The following DSG2 variants were observed in gnomAD, a reference collection of about 807,000 sequenced individuals.
The protein encoded by DSG2 is desmoglein-2.
Under a neutral mutation model 75.6 loss-of-function variants are expected in DSG2, and 45 were observed. The observed-to-expected ratio is 0.60, with a 90% CI of 0.47 to 0.76. The LOEUF (loss-of-function observed/expected upper bound fraction) is 0.76. DSG2 is among the 30% of genes least tolerant of loss of function. DSG2 has a pLI of 0.00. For synonymous variants in DSG2, 429 were observed against 483.9 expected, an observed-to-expected ratio of 0.89 and a Z score of 1.49; for missense variants, 1,267 against 1,357.4, an observed-to-expected ratio of 0.93 and a Z score of 1.05.
At chr18:31,520,095 T>C (rs2073119574) in intron 3 of DSG2, among the ~76,000 whole-genome samples, 158 bp downstream of exon 3, 1 of 152,224 alleles carries the variant, frequency 6.6e-6, no homozygotes, top group South Asian at 2.1e-4. Context: ...GCTTACTTTT[T>C]AGCATAAAGT....
At chr18:31,510,549 CATTG>C (rs1170015493) in intron 1 of DSG2, among the ~76,000 whole-genome samples, 1 of 151,038 alleles carries the variant, frequency 6.6e-6, no homozygotes, top group African/African-American at 2.4e-5. Flanking sequence ...ACAAAGAGTA[CATTG>C]ATTGATGGTG....
At position 31,536,223 on chromosome 18, in the gene DSG2, C is replaced by A. The variant is rs1168994353; in HGVS notation, c.1445C>A (p.Thr482Asn). 6.2e-7 allele frequency: 1 copy of A among 1,614,182 alleles called. No homozygotes were observed. The highest frequency in any genetic ancestry group is 2.2e-5 in the East Asian group (1 of 44,872). The change falls in exon 11 of 15, where the codon ACT becomes AAT. Residue 482 changes from threonine (T) to asparagine (N), a missense_variant. Thr to Asn is a moderately conservative substitution (Grantham distance 65, BLOSUM62 0). Coordinates refer to ENST00000261590, the MANE Select transcript of DSG2 (RefSeq NM_001943.5). ...TAAGATTATCCTAGAAAAACCATCACTGGCACAGTCCTTATCAATGTTGAA... is the reference window on the plus strand; with the variant it reads ...TAAGATTATCCTAGAAAAACCATCAATGGCACAGTCCTTATCAATGTTGAA... ...ISEDYPRKTI[T>N]GTVLINVEDI... is the part of the protein sequence containing the mutation.
intron 14 of DSG2, among the ~76,000 whole-genome samples, chr18:31,544,788 G>A (rs1381754636): frequency 6.6e-6 from 1 of 152,298 alleles, no homozygotes; most frequent in East Asian, 1.9e-4. Flanking sequence ...AAGTAGGACT[G>A]GGTGGTTTTC....
chr18:31,503,611 A>G (rs1439327526), intron 1 of DSG2, among the ~76,000 whole-genome samples: 1 of 152,208 alleles, frequency 6.6e-6, no homozygotes, highest in Non-Finnish European at 1.5e-5. Context: ...TTTGGGTGAG[A>G]TGGTCAGGAA....
chr18:31,538,496 TC>T (rs929938071), intron 11 of DSG2, among the ~76,000 whole-genome samples: 2 of 152,178 alleles, frequency 1.3e-5, no homozygotes, highest in Non-Finnish European at 2.9e-5. Flanking sequence ...TTCCTAGCTT[TC>T]CTAGACCCAC....
At chr18:31,545,652 T>C in intron 14 of DSG2, 69 bp from the exon 15 acceptor site, 1 of 1,558,520 alleles carries the variant, frequency 6.4e-7, no homozygotes, top group South Asian at 1.1e-5. Flanking sequence ...TAGAGTCTTG[T>C]TTTAAAATGA....
At chr18:31,526,853 C>A (rs1376374642) in intron 8 of DSG2, among the ~76,000 whole-genome samples, 2 of 152,106 alleles carry the variant, frequency 1.3e-5, no homozygotes, top group African/African-American at 2.4e-5. Flanking sequence ...GTGTCTTAAG[C>A]TAAGGCTCAT....
In DSG2 at chr18:31,547,110, C is replaced by G; in HGVS notation, c.*367C>G. 1 of 370,064 alleles carries G rather than the reference C, an allele frequency of 2.7e-6. No homozygotes were observed. 22.9% of individuals were successfully genotyped at this position (370,064 alleles called of 1,614,324 possible). ...CCAGTAAAGCAACCCAGGAAACTGACTGGGTCTCTTTGCCTACCGTATTAA... is the reference window on the plus strand; with the variant it reads ...CCAGTAAAGCAACCCAGGAAACTGAGTGGGTCTCTTTGCCTACCGTATTAA... On this transcript the variant is annotated 3_prime_UTR_variant, in exon 15 of 15. Transcript: ENST00000261590.
Position 31,545,895 on chromosome 18 carries a change from G to A in DSG2, c.2509G>A (p.Ala837Thr), listed in dbSNP as rs2073302750. 6.2e-6 allele frequency: 10 copies of A among 1,614,134 alleles called. No homozygotes were observed. The highest frequency in any genetic ancestry group is 7.6e-6 in the Non-Finnish European group (9 of 1,180,026). The change falls in exon 15 of 15, where the codon GCT (alanine) becomes ACT (threonine). Residue 837 changes from alanine to threonine, a missense_variant. Coordinates refer to ENST00000261590, the MANE Select transcript of DSG2 (RefSeq NM_001943.5). The stretch of plus-strand genomic sequence containing the variant: ...TTTGGGACTTAAATTCAAGACACTA[G>A]CTGAAGTTTGCCTGGGTCAAAAAAT... ...DDLGLKFKTL[A>T]EVCLGQKIDI...
At chr18:31,524,367 T>C (rs2144321820) in intron 6 of DSG2, 81 bp from the exon 7 acceptor site, 1 of 1,563,444 alleles carries the variant, frequency 6.4e-7, no homozygotes, top group Non-Finnish European at 8.8e-7. Flanking sequence ...CTGTGGTACG[T>C]GATAAACTGG....
intron 8 of DSG2, among the ~76,000 whole-genome samples, chr18:31,530,333 A>G (rs1402925251): frequency 6.6e-6 from 1 of 152,186 alleles, no homozygotes; most frequent in African/African-American, 2.4e-5. Flanking sequence ...AGGAATACTG[A>G]TTTATACTGA....
At chr18:31,519,374 G>A (rs2073113473) in intron 2 of DSG2, among the ~76,000 whole-genome samples, 1 of 152,034 alleles carries the variant, frequency 6.6e-6, no homozygotes, top group South Asian at 2.1e-4. Flanking sequence ...GGCCAGCTTA[G>A]GCAACATGGT....
At chr18:31,521,270 T>C (rs1382712129) in intron 5 of DSG2, 27 bp downstream of exon 5, 1 of 1,538,290 alleles carries the variant, frequency 6.5e-7, no homozygotes, top group Non-Finnish European at 8.9e-7. Flanking sequence ...TTTTTTTTAA[T>C]AAATAAATAC....
chr18:31,538,361 T>C (rs2073244782), intron 11 of DSG2, among the ~76,000 whole-genome samples: 2 of 152,134 alleles, frequency 1.3e-5, no homozygotes, highest in South Asian at 4.1e-4. Flanking sequence ...CTCTTCTCTT[T>C]ATTACTATGT....
Position 31,498,242 on chromosome 18 carries a change from C to A in DSG2, c.-10C>A. On this transcript the variant is annotated 5_prime_UTR_variant, in exon 1 of 15. Coordinates refer to ENST00000261590, the MANE Select transcript of DSG2 (RefSeq NM_001943.5). ...GCGGTGCGGCGGCGGGAGGCGGAGG[C>A]GAGGGTGCGATGGCGCGGAGCCCGG... 9.6e-6 allele frequency: 12 copies of A among 1,255,502 alleles called. No homozygotes were observed. The highest frequency in any genetic ancestry group is 3.1e-5 in the East Asian group (1 of 31,928). 77.8% of individuals were successfully genotyped at this position (1,255,502 alleles called of 1,614,324 possible).
Position 31,498,238 on chromosome 18 carries a change from G to A in DSG2, c.-14G>A. On this transcript the variant is annotated 5_prime_UTR_variant, in exon 1 of 15. Transcript: ENST00000261590. ...CGGAGCGGTGCGGCGGCGGGAGGCG[G>A]AGGCGAGGGTGCGATGGCGCGGAGC... 1 of 1,254,376 alleles carries A rather than the reference G, an allele frequency of 8.0e-7. No individual in the cohort carries two copies. Among genetic ancestry groups the A allele is most frequent in the Non-Finnish European group, 1.0e-6 (1 of 996,354 alleles). The allele number at this position is 1,254,376 out of a possible 1,614,324, so 77.7% of individuals were successfully genotyped here. A position where few individuals can be genotyped will look rare whatever the true frequency, so the allele number is the denominator to read the frequency against.
intron 1 of DSG2, among the ~76,000 whole-genome samples, chr18:31,502,951 A>G (rs2073021464): frequency 6.6e-6 from 1 of 152,354 alleles, no homozygotes; most frequent in Non-Finnish European, 1.5e-5. Context: ...TAGTCTACAT[A>G]TGATGAGAAA....
At position 31,525,010 on chromosome 18, in the gene DSG2, T is replaced by C. The variant is rs181195879; in HGVS notation, c.1014+122T>C. On this transcript the variant is annotated intron_variant, in intron 8 of 14. Coordinates refer to ENST00000261590, the MANE Select transcript of DSG2 (RefSeq NM_001943.5). ...ATTCAATTAACTAGCACTACAGTTGTTTGAGAAAGGAGCCATCCCTATTTG... is the reference window on the plus strand; with the variant it reads ...ATTCAATTAACTAGCACTACAGTTGCTTGAGAAAGGAGCCATCCCTATTTG... 894 of 962,700 alleles carry C rather than the reference T, an allele frequency of 9.3e-4. 8 individuals carry two copies. The highest frequency in any genetic ancestry group is 8.1e-3 in the Middle Eastern group (37 of 4,554). 59.6% of individuals were successfully genotyped at this position (962,700 alleles called of 1,614,324 possible). A position where few individuals can be genotyped will look rare whatever the true frequency, so the allele number is the denominator to read the frequency against.
At chr18:31,505,502 T>A (rs2073034319) in intron 1 of DSG2, among the ~76,000 whole-genome samples, 1 of 152,220 alleles carries the variant, frequency 6.6e-6, no homozygotes, top group South Asian at 2.1e-4. Context: ...CTTTTATCTA[T>A]AAACTAGCTA....
Sources: gnomAD v4.1 joint callset for allele counts (sites outside exome capture counted in the v4.1 genomes callset) on GRCh38, gnomAD v4.1.1 for gene constraint, MANE v1.5 for transcripts, NCBI Gene and HGNC (gene_info 2026-07-23, HGNC 2026-07-21) for gene names.